The following WDR26 variants were observed in gnomAD, a reference collection of about 807,000 sequenced individuals.
WDR26 encodes WD repeat domain 26, also known as WD repeat-containing protein 26.
WDR26 carries 5 observed loss-of-function variants against 84.1 expected under a neutral mutation model. That is an observed-to-expected ratio of 0.06 (90% confidence interval 0.03 to 0.13). The LOEUF is 0.13. WDR26 is among the 10% of genes least tolerant of loss of function. The probability of loss-of-function intolerance (pLI) is 1.00; values close to 1 mark genes in which losing one functional copy is unlikely to be tolerated. For missense variants in WDR26, 642 were observed against 974.9 expected (o/e 0.66, Z 4.55); for synonymous variants, 415 against 389.6 (o/e 1.07, Z -0.77).
At chr1:224,430,217 A>AAGG (rs1674352222) in intron 3 of WDR26, 1 of 152,190 alleles carries the variant, frequency 6.6e-6, no homozygotes, top group Non-Finnish European at 1.5e-5. Context: ...CTTTGAATAT[A>AAGG]GATGTTTAAC....
At chr1:224,396,412 G>T (rs990592691) in intron 12 of WDR26, among the ~76,000 whole-genome samples, 5 of 152,114 alleles carry the variant, frequency 3.3e-5, no homozygotes, top group African/African-American at 1.2e-4. Flanking sequence ...CTTATAAACA[G>T]GAGGAATTTA....
intron 7 of WDR26, among the ~76,000 whole-genome samples, chr1:224,410,281 CAAAA>C (rs10707541): frequency 1.9e-5 from 2 of 103,136 alleles, no homozygotes; most frequent in Non-Finnish European, 2.0e-5. Flanking sequence ...GACTTTGTCT[CAAAA>C]AAAAAAAAAA....
At chr1:224,391,480 G>A (rs551022101) in intron 13 of WDR26, among the ~76,000 whole-genome samples, 35 of 151,542 alleles carry the variant, frequency 2.3e-4, no homozygotes, top group African/African-American at 8.2e-4. Context: ...GGAGTTGAGT[G>A]TATTTTTATT....
intron 8 of WDR26, among the ~76,000 whole-genome samples, chr1:224,403,721 TAGGTG>T (rs1193167383): frequency 1.3e-5 from 2 of 152,172 alleles, no homozygotes; most frequent in Non-Finnish European, 2.9e-5. Context: ...CGGATCACTT[TAGGTG>T]AAGAGTTCGA....
chr1:224,404,966 T>G (rs543449150), intron 7 of WDR26, among the ~76,000 whole-genome samples: 2 of 152,358 alleles, frequency 1.3e-5, no homozygotes, highest in East Asian at 3.9e-4. Flanking sequence ...AAATTCATCC[T>G]TTTAAAGTAT....
At chr1:224,418,134 T>C (rs921463042) in intron 6 of WDR26, 126 bp downstream of exon 6, 1 of 716,210 alleles carries the variant, frequency 1.4e-6, no homozygotes, top group Admixed American at 3.3e-5. Flanking sequence ...GTTCCAGCTT[T>C]ACTCGTGAAC....
chr1:224,430,181 TTTAG>T (rs1437850361), intron 3 of WDR26: 1 of 152,154 alleles, frequency 6.6e-6, no homozygotes, highest in Non-Finnish European at 1.5e-5. Flanking sequence ...CTGAGGAAAC[TTTAG>T]TTAACGAAAA....
At chr1:224,402,424 TTC>T (rs1380829044) in intron 8 of WDR26, among the ~76,000 whole-genome samples, 4 of 152,222 alleles carry the variant, frequency 2.6e-5, no homozygotes, top group African/African-American at 9.6e-5. Context: ...ATGGTTTGTC[TTC>T]TCTTATTATG....
chr1:224,404,685 T>A, intron 7 of WDR26, 115 bp from the exon 8 acceptor site: 1 of 1,286,678 alleles, frequency 7.8e-7, no homozygotes, highest in Non-Finnish European at 1.0e-6. Flanking sequence ...TGAGGAAATT[T>A]TCAGACCAAT....
intron 3 of WDR26, among the ~76,000 whole-genome samples, chr1:224,427,967 A>G (rs143352345): frequency 1.3e-5 from 2 of 152,308 alleles, no homozygotes; most frequent in Non-Finnish European, 2.9e-5. Flanking sequence ...AAAGACAAAA[A>G]AAGATTAGGA....
At chr1:224,417,771 G>A (rs1220523662) in intron 6 of WDR26, among the ~76,000 whole-genome samples, 1 of 151,968 alleles carries the variant, frequency 6.6e-6, no homozygotes, top group Non-Finnish European at 1.5e-5. Context: ...AAAATAGTAG[G>A]TATATTTTTA....
At chr1:224,421,963 T>C (rs1285241024) in intron 4 of WDR26, among the ~76,000 whole-genome samples, 1 of 152,192 alleles carries the variant, frequency 6.6e-6, no homozygotes, top group Non-Finnish European at 1.5e-5. Flanking sequence ...GGCCCATTCT[T>C]TTGTCCATCA....
intron 13 of WDR26, among the ~76,000 whole-genome samples, chr1:224,391,700 A>C (rs935400383): frequency 1.3e-5 from 2 of 151,660 alleles, no homozygotes; most frequent in Non-Finnish European, 2.9e-5. Flanking sequence ...CTGTATTTTG[A>C]TTTTTTTTAA....
chr1:224,400,877 A>G, intron 9 of WDR26, 73 bp downstream of exon 9: 1 of 1,571,796 alleles, frequency 6.4e-7, no homozygotes, highest in Non-Finnish European at 8.6e-7. Context: ...TACTGAGTCA[A>G]GGAAATTGTT....
chr1:224,407,301 CATGTTT>C (rs780440172), intron 7 of WDR26, among the ~76,000 whole-genome samples: 2,801 of 103,432 alleles, frequency 0.027, 30 homozygotes, highest in Non-Finnish European at 0.045. Context: ...GTGGAAATAA[CATGTTT>C]GTGGAGCCTA....
chr1:224,405,829 C>T (rs1673534261), intron 7 of WDR26, among the ~76,000 whole-genome samples: 1 of 152,168 alleles, frequency 6.6e-6, no homozygotes, highest in South Asian at 2.1e-4. Flanking sequence ...TAAGGGGTTA[C>T]ATTTTCCCTG....
rs992912052 is a variant in WDR26 at position 224,434,301 on chromosome 1, C to T, written c.105G>A (p.Ala35=). Residue 35 remains alanine (A), a synonymous_variant, in exon 1 of 14, where the codon GCG becomes GCA. Coordinates refer to ENST00000414423, the MANE Select transcript of WDR26 (RefSeq NM_001379403.1). ...CCCCGGGCTCTCCTACTCCCTCCGC[C>T]GCCGAGGCTCGGGGTTTCTTCCGCG... is the stretch of plus-strand genomic sequence containing the variant. The T allele has an allele frequency of 2.4e-5, 29 of 1,233,690 alleles. No individual in the cohort carries two copies. Among genetic ancestry groups the T allele is most frequent in the African/African-American group, 4.7e-5 (3 of 64,164 alleles). 76.4% of individuals were successfully genotyped at this position (1,233,690 alleles called of 1,614,324 possible).
At chr1:224,417,485 G>A (rs773804247) in intron 6 of WDR26, among the ~76,000 whole-genome samples, 1 of 152,150 alleles carries the variant, frequency 6.6e-6, no homozygotes, top group African/African-American at 2.4e-5. Context: ...CAGAAGTATC[G>A]ATTGCTTGAG....
chr1:224,397,039 T>C (rs2102889818), intron 12 of WDR26, among the ~76,000 whole-genome samples: 1 of 152,368 alleles, frequency 6.6e-6, no homozygotes, highest in Non-Finnish European at 1.5e-5. Flanking sequence ...TTTATGATCC[T>C]CTTATCTACC....
Sources: allele counts gnomAD v4.1 joint callset (sites outside exome capture counted in the v4.1 genomes callset), GRCh38; gene constraint gnomAD v4.1.1; transcripts MANE v1.5; gene names NCBI Gene and HGNC (gene_info 2026-07-23, HGNC 2026-07-21).